AFG1L: variants seen among roughly 807,000 people sequenced by gnomAD.
The protein encoded by AFG1L is AFG1 like ATPase, also known as AFG1-like ATPase.
A neutral mutation model predicts 62.2 loss-of-function variants in AFG1L; 53 were observed. The ratio of observed to expected loss-of-function variants is 0.85; its 90% CI spans 0.68 to 1.07. The LOEUF (loss-of-function observed/expected upper bound fraction) is 1.07. AFG1L is among the 50% of genes least tolerant of loss of function. AFG1L has a pLI of 0.00. For synonymous variants in AFG1L, 228 were observed against 210.3 expected (o/e 1.08, Z -0.73); for missense variants, 555 against 590.5 (o/e 0.94, Z 0.62).
At chr6:108,384,080 A>G (rs76453492) in intron 6 of AFG1L, among the ~76,000 whole-genome samples, 3 of 150,350 alleles carry the variant, frequency 2.0e-5, no homozygotes, top group African/African-American at 7.3e-5. Flanking sequence ...AAAAAAAAAA[A>G]GGCTGGCAGA....
rs1774589710 is a variant in AFG1L at position 108,510,198 on chromosome 6, T to G, written c.1063-14T>G. On this transcript the variant is annotated splice_polypyrimidine_tract_variant and intron_variant, in intron 10 of 12. Transcript: ENST00000368977. ...GTTTATTTTTAAGTTTTCTTTTATT[T>G]CATTTTATCATAGCCACTTGGAGCC... 1 of 1,583,962 alleles carries G rather than the reference T, an allele frequency of 6.3e-7. No individual in the cohort carries two copies. The highest frequency in any genetic ancestry group is 1.9e-5 in the Admixed American group (1 of 53,584).
chr6:108,434,188 T>C (rs945862938), intron 7 of AFG1L, among the ~76,000 whole-genome samples: 2 of 152,232 alleles, frequency 1.3e-5, no homozygotes, highest in African/African-American at 4.8e-5. Context: ...ATGTTCACCT[T>C]GGGATGGAGA....
chr6:108,344,107 T>G (rs1778779682), intron 2 of AFG1L, among the ~76,000 whole-genome samples: 1 of 151,888 alleles, frequency 6.6e-6, no homozygotes, highest in Non-Finnish European at 1.5e-5. Context: ...ACAGGATAGT[T>G]TGTTTGTTTG....
At chr6:108,389,950 C>T (rs2114588371) in intron 6 of AFG1L, among the ~76,000 whole-genome samples, 1 of 152,312 alleles carries the variant, frequency 6.6e-6, no homozygotes, top group East Asian at 1.9e-4. Flanking sequence ...GGAAGTTCTC[C>T]TGGATAATAT....
intron 10 of AFG1L, among the ~76,000 whole-genome samples, chr6:108,489,670 T>C (rs2114848381): frequency 6.6e-6 from 1 of 152,120 alleles, no homozygotes; most frequent in East Asian, 1.9e-4. Context: ...AATCAGAGGA[T>C]AGGGCATGGA....
chr6:108,485,360 A>G (rs1340757913), intron 10 of AFG1L, among the ~76,000 whole-genome samples: 1 of 151,870 alleles, frequency 6.6e-6, no homozygotes, highest in Non-Finnish European at 1.5e-5. Flanking sequence ...TAATGGGGAG[A>G]AAATGCCCAA....
intron 1 of AFG1L, among the ~76,000 whole-genome samples, chr6:108,301,615 A>G (rs1439931423): frequency 1.3e-5 from 2 of 152,264 alleles, no homozygotes; most frequent in Non-Finnish European, 1.5e-5. Flanking sequence ...GTTCAGTTTA[A>G]AAGAACATTG....
At chr6:108,394,028 G>A (rs1395024134) in intron 6 of AFG1L, among the ~76,000 whole-genome samples, 4 of 146,830 alleles carry the variant, frequency 2.7e-5, no homozygotes, top group Admixed American at 1.4e-4. Context: ...TCTGTCTTTC[G>A]CCTTCCCCTT....
At chr6:108,471,404 A>G (rs1375829626) in intron 8 of AFG1L, among the ~76,000 whole-genome samples, 2 of 150,698 alleles carry the variant, frequency 1.3e-5, no homozygotes, top group Non-Finnish European at 3.0e-5. Context: ...CTAAGATAGT[A>G]TTGGGCCATA....
At chr6:108,470,781 A>G (rs918850086) in intron 8 of AFG1L, among the ~76,000 whole-genome samples, 4 of 152,138 alleles carry the variant, frequency 2.6e-5, no homozygotes, top group Non-Finnish European at 5.9e-5. Flanking sequence ...ACTTTCATTA[A>G]ATATTATCTG....
intron 1 of AFG1L, among the ~76,000 whole-genome samples, chr6:108,302,639 C>T (rs754327592): frequency 3.3e-5 from 5 of 152,002 alleles, no homozygotes; most frequent in Admixed American, 6.6e-5. Context: ...AGACAAGATA[C>T]GAGGCCAGTT....
chr6:108,368,301 A>G (rs1032279681), intron 6 of AFG1L, among the ~76,000 whole-genome samples: 1 of 151,982 alleles, frequency 6.6e-6, no homozygotes, highest in Admixed American at 6.6e-5. Context: ...TCATATTTCT[A>G]TGTCTTTAGC....
At chr6:108,517,526 G>A (rs1213090584) in intron 11 of AFG1L, among the ~76,000 whole-genome samples, 1 of 152,170 alleles carries the variant, frequency 6.6e-6, no homozygotes, top group Non-Finnish European at 1.5e-5. Flanking sequence ...AGACTTAAAT[G>A]TCAGACCTAA....
intron 7 of AFG1L, among the ~76,000 whole-genome samples, chr6:108,421,617 A>G (rs948645570): frequency 6.6e-6 from 1 of 152,114 alleles, no homozygotes; most frequent in Non-Finnish European, 1.5e-5. Flanking sequence ...AGACAGAGTG[A>G]ATGGACCCTG....
intron 1 of AFG1L, among the ~76,000 whole-genome samples, chr6:108,315,365 G>A (rs1198436946): frequency 6.6e-6 from 1 of 152,138 alleles, no homozygotes; most frequent in Non-Finnish European, 1.5e-5. Flanking sequence ...TTTGGCATTC[G>A]GGTGTCAACT....
chr6:108,400,925 T>C (rs1781573277), intron 6 of AFG1L, among the ~76,000 whole-genome samples: 1 of 145,028 alleles, frequency 6.9e-6, no homozygotes, highest in Non-Finnish European at 1.5e-5. Flanking sequence ...GCAATTCTGT[T>C]GATGTATTTT....
intron 8 of AFG1L, among the ~76,000 whole-genome samples, chr6:108,452,326 T>A (rs1321526382): frequency 6.6e-6 from 1 of 152,212 alleles, no homozygotes; most frequent in East Asian, 1.9e-4. Context: ...CAGGCCATTT[T>A]GCTATCCCTA....
chr6:108,465,419 T>G lies in AFG1L; in HGVS notation c.891-11446T>G, dbSNP rs185868209. ...TTTAATCACTGTTTGTATTTTTATA[T>G]AATCTATATCCTTGCATATTTTTTG... On this transcript the variant is annotated intron_variant, in intron 8 of 12. Transcript: ENST00000368977. Among the ~76,000 whole-genome samples the G allele has an allele frequency of 7.2e-5, 11 of 152,356 alleles. No individual in the cohort carries two copies. The East Asian group carries it at 1.9e-3, about 27-fold the overall frequency.
chr6:108,476,263 GGA>G (rs1773100729), intron 8 of AFG1L, among the ~76,000 whole-genome samples: 1 of 152,184 alleles, frequency 6.6e-6, no homozygotes, highest in Non-Finnish European at 1.5e-5. Flanking sequence ...CATCACAGAA[GGA>G]GAGAGTTTTC....
Sources: allele counts gnomAD v4.1 joint callset (sites outside exome capture counted in the v4.1 genomes callset), GRCh38; gene constraint gnomAD v4.1.1; transcripts MANE v1.5; gene names NCBI Gene and HGNC (gene_info 2026-07-23, HGNC 2026-07-21).